The following PRDM4 variants were observed in gnomAD, a reference collection of about 807,000 sequenced individuals.
PRDM4 encodes PR/SET domain 4.
Under a neutral mutation model 62.3 loss-of-function variants are expected in PRDM4, and 38 were observed. That is an observed-to-expected ratio of 0.61 (90% confidence interval 0.47 to 0.80). PRDM4 has a LOEUF of 0.80. Among genes scored for constraint, PRDM4 ranks in the 30% least tolerant of loss-of-function variants. The probability of loss-of-function intolerance (pLI) is 0.00; values close to 1 mark genes in which losing one functional copy is unlikely to be tolerated. For synonymous variants in PRDM4, 339 were observed against 348.2 expected, an observed-to-expected ratio of 0.97 and a Z score of 0.30; for missense variants, 858 against 997.1, an observed-to-expected ratio of 0.86 and a Z score of 1.88.
At chr12:107,754,179 G>T in intron 3 of PRDM4, 70 bp from the exon 4 acceptor site, 1 of 1,258,290 alleles carries the variant, frequency 7.9e-7, no homozygotes. Flanking sequence ...ACAACCACTG[G>T]CTAAACTCTT....
chr12:107,750,042 TC>T (rs1463903855), intron 5 of PRDM4, among the ~76,000 whole-genome samples: 1 of 152,144 alleles, frequency 6.6e-6, no homozygotes, highest in Non-Finnish European at 1.5e-5. Context: ...GGTTAAATCT[TC>T]CCCGACCCTT....
At chr12:107,757,720 CT>C (rs200827372) in intron 2 of PRDM4, among the ~76,000 whole-genome samples, 3 of 148,750 alleles carry the variant, frequency 2.0e-5, no homozygotes, top group Admixed American at 6.6e-5. Context: ...TTGCACCAAA[CT>C]TTTTTTTAAC....
At chr12:107,751,162 T>C (rs929250492) in intron 5 of PRDM4, among the ~76,000 whole-genome samples, 3 of 152,192 alleles carry the variant, frequency 2.0e-5, no homozygotes, top group African/African-American at 7.2e-5. Flanking sequence ...ATCTGCAAAA[T>C]ACAAAAATGA....
chr12:107,735,245 T>C (rs1593159471), intron 11 of PRDM4, among the ~76,000 whole-genome samples: 1 of 152,164 alleles, frequency 6.6e-6, no homozygotes, highest in Non-Finnish European at 1.5e-5. Context: ...TATAGCTAAA[T>C]CAAAGGATAT....
intron 10 of PRDM4, chr12:107,739,809 G>A (rs1400641183): frequency 8.0e-6 from 2 of 251,542 alleles, no homozygotes; most frequent in African/African-American, 4.5e-5. Flanking sequence ...AAATGTATAG[G>A]TGATACATAA....
chr12:107,752,965 T>A (rs1024346621), intron 4 of PRDM4, among the ~76,000 whole-genome samples: 2 of 152,104 alleles, frequency 1.3e-5, no homozygotes, highest in African/African-American at 4.8e-5. Context: ...TAGAAAGTAA[T>A]GCATCATTAA....
intron 8 of PRDM4, 165 bp from the exon 9 acceptor site, chr12:107,742,513 TAG>T: frequency 4.1e-6 from 3 of 738,590 alleles, no homozygotes; most frequent in Non-Finnish European, 6.5e-6. Context: ...AAGGCAGTTG[TAG>T]AGAAACAGAA....
In PRDM4 at chr12:107,734,038, T is replaced by C. The variant is rs1386913152; in HGVS notation, c.*172A>G. On this transcript the variant is annotated 3_prime_UTR_variant, in exon 12 of 12. Transcript: ENST00000228437. ...TCAGTTTTCCCAATCTGTTTTAAAG[T>C]GTTTTCATTAGGATACTCTTCTGTA... is the stretch of plus-strand genomic sequence containing the variant. 2 of 661,534 alleles carry C rather than the reference T, an allele frequency of 3.0e-6. No homozygotes were observed. The highest frequency in any genetic ancestry group is 4.9e-6 in the Non-Finnish European group (2 of 405,506). The allele number at this position is 661,534 out of a possible 1,614,324, so 41.0% of individuals were successfully genotyped here.
intron 5 of PRDM4, 110 bp from the exon 6 acceptor site, chr12:107,746,534 GA>G (rs1337242214): frequency 8.5e-6 from 9 of 1,061,572 alleles, no homozygotes; most frequent in Non-Finnish European, 1.2e-5. Flanking sequence ...ACCCAGGCTG[GA>G]GTGCAATGGC....
chr12:107,757,316 A>G lies in PRDM4; in HGVS notation c.12-351T>C, dbSNP rs139331825. Among the ~76,000 whole-genome samples, 228 of 152,240 alleles carry G rather than the reference A, an allele frequency of 1.5e-3. 2 individuals carry two copies. The highest frequency in any genetic ancestry group is 6.7e-3 in the Admixed American group (103 of 15,282). ...AATCACTCAAGCTTCATCTTTTATAATATTTATTTTTCTCCAAATGGCTTA... is the reference window on the plus strand; with the variant it reads ...AATCACTCAAGCTTCATCTTTTATAGTATTTATTTTTCTCCAAATGGCTTA... On this transcript the variant is annotated intron_variant, in intron 2 of 11. Coordinates refer to ENST00000228437, the MANE Select transcript of PRDM4 (RefSeq NM_012406.4).
In PRDM4 at chr12:107,739,415, C is replaced by T. The variant is rs1442696817; in HGVS notation, c.2061G>A (p.Gln687=). 1 of 1,613,796 alleles carries T rather than the reference C, an allele frequency of 6.2e-7. No individual in the cohort carries two copies. The highest frequency in any genetic ancestry group is 1.3e-5 in the African/African-American group (1 of 75,038). The change falls in exon 11 of 12, where the codon CAG becomes CAA. Residue 687 remains glutamine (Q), a synonymous_variant. Coordinates refer to ENST00000228437, the MANE Select transcript of PRDM4 (RefSeq NM_012406.4). Reference sequence around the variant, plus strand: ...GGATGAGCACGTGCTGCTTGAGGTCCTGCCTCCGCATAAACAACTTGTCAC... The same window carrying T: ...GGATGAGCACGTGCTGCTTGAGGTCTTGCCTCCGCATAAACAACTTGTCAC... ...DYCDKLFMRR[Q]DLKQHVLIHT...
At chr12:107,753,828 C>G (rs532726402) in intron 4 of PRDM4, 96 bp downstream of exon 4, 12 of 1,203,320 alleles carry the variant, frequency 1.0e-5, no homozygotes, top group Non-Finnish European at 1.4e-5. Context: ...CTAATAGTGA[C>G]AAACAGAAAA....
At position 107,743,067 on chromosome 12, in the gene PRDM4, G is replaced by A. The variant is rs574497793; in HGVS notation, c.1481+130C>T. 5.1e-5 allele frequency: 37 copies of A among 727,650 alleles called. No individual in the cohort carries two copies. The African/African-American group carries it at 5.1e-4, about 10-fold the overall frequency. 45.1% of individuals were successfully genotyped at this position (727,650 alleles called of 1,614,324 possible). Reference sequence around the variant, plus strand: ...AAGGTGTGAGCCACCATGCCTGGCTGCCTTGGGCTTTAAGTATGTCCAGGT... The same window carrying A: ...AAGGTGTGAGCCACCATGCCTGGCTACCTTGGGCTTTAAGTATGTCCAGGT... On this transcript the variant is annotated intron_variant, in intron 8 of 11. Coordinates refer to ENST00000228437, the MANE Select transcript of PRDM4 (RefSeq NM_012406.4).
At chr12:107,758,171 A>G (rs1442253648) in intron 2 of PRDM4, 1 of 149,306 alleles carries the variant, frequency 6.7e-6, no homozygotes. Context: ...GCTAAAATTT[A>G]TGGCTCCCTT....
intron 7 of PRDM4, among the ~76,000 whole-genome samples, 169 bp downstream of exon 7, chr12:107,744,374 T>C (rs535450511): frequency 6.6e-6 from 1 of 152,334 alleles, no homozygotes; most frequent in Non-Finnish European, 1.5e-5. Flanking sequence ...ATAATTTGGC[T>C]ACCAAGAATG....
chr12:107,756,399 A>C (rs1276333356), intron 3 of PRDM4, among the ~76,000 whole-genome samples: 1 of 152,236 alleles, frequency 6.6e-6, no homozygotes, highest in East Asian at 1.9e-4. Flanking sequence ...GTACACTTGC[A>C]GTTATTGCCA....
At chr12:107,745,368 C>A (rs1470065099) in intron 6 of PRDM4, among the ~76,000 whole-genome samples, 1 of 152,098 alleles carries the variant, frequency 6.6e-6, no homozygotes, top group Non-Finnish European at 1.5e-5. Context: ...TCGAAACCAG[C>A]CTCGGCAACA....
At chr12:107,738,654 A>T (rs12227593) in intron 11 of PRDM4, among the ~76,000 whole-genome samples, 44,555 of 152,038 alleles carry the variant, frequency 0.29, 8,217 homozygotes, top group Middle Eastern at 0.43. Context: ...TGCAATAAAT[A>T]CCTAATTGGT....
At chr12:107,745,012 A>T (rs1203751939) in intron 6 of PRDM4, among the ~76,000 whole-genome samples, 1 of 152,194 alleles carries the variant, frequency 6.6e-6, no homozygotes, top group Non-Finnish European at 1.5e-5. Context: ...GTGAGCAGAG[A>T]TAGGGCCAAT....
Sources: allele counts gnomAD v4.1 joint callset (sites outside exome capture counted in the v4.1 genomes callset), GRCh38; gene constraint gnomAD v4.1.1; transcripts MANE v1.5; gene names NCBI Gene and HGNC (gene_info 2026-07-23, HGNC 2026-07-21).